INTS4: variants seen among roughly 807,000 people sequenced by gnomAD.
The protein encoded by INTS4 is integrator complex subunit 4.
A neutral mutation model predicts 119.5 loss-of-function variants in INTS4; 70 were observed. The observed-to-expected ratio is 0.59, with a 90% CI of 0.48 to 0.71. The LOEUF (loss-of-function observed/expected upper bound fraction) is 0.71. Among genes scored for constraint, INTS4 ranks in the 30% least tolerant of loss-of-function variants. The pLI, the probability that INTS4 is intolerant of heterozygous loss-of-function variation, is 0.00. For synonymous variants in INTS4, 316 were observed against 419.6 expected (o/e 0.75, Z 3.02); for missense variants, 867 against 1,173.2 (o/e 0.74, Z 3.81).
chr11:77,902,500 G>A (rs1179581120), intron 17 of INTS4, among the ~76,000 whole-genome samples: 1 of 152,098 alleles, frequency 6.6e-6, no homozygotes, highest in Non-Finnish European at 1.5e-5. Context: ...CAGATTCTGG[G>A]TATCAGAGGA....
intron 19 of INTS4, among the ~76,000 whole-genome samples, chr11:77,893,317 C>T (rs1353950868): frequency 6.6e-6 from 1 of 152,182 alleles, no homozygotes; most frequent in Non-Finnish European, 1.5e-5. Flanking sequence ...AGTGTAAGAA[C>T]AGTGTGGGCC....
At chr11:77,958,716 C>G (rs1273886005) in intron 7 of INTS4, 30 bp downstream of exon 7, 1 of 1,392,658 alleles carries the variant, frequency 7.2e-7, no homozygotes, top group Non-Finnish European at 1.0e-6. Context: ...GCTTCACAAT[C>G]AACAAAAGCC....
chr11:77,971,361 T>C (rs1239718036), intron 4 of INTS4, among the ~76,000 whole-genome samples: 5 of 151,972 alleles, frequency 3.3e-5, no homozygotes, highest in African/African-American at 1.2e-4. Flanking sequence ...CTAAATACAA[T>C]TACCAGCTGG....
At chr11:77,950,015 C>T (rs1427955270) in intron 8 of INTS4, among the ~76,000 whole-genome samples, 1 of 152,198 alleles carries the variant, frequency 6.6e-6, no homozygotes, top group Non-Finnish European at 1.5e-5. Context: ...GGCGCATATA[C>T]ACCATGGAAT....
At chr11:77,915,612 A>G (rs1277264793) in intron 15 of INTS4, among the ~76,000 whole-genome samples, 1 of 151,944 alleles carries the variant, frequency 6.6e-6, no homozygotes, top group Admixed American at 6.6e-5. Context: ...CCACCCATTT[A>G]TCTCTCAGTT....
chr11:77,887,257 G>A lies in INTS4; in HGVS notation c.2593-3305C>T, dbSNP rs546733694. Among the ~76,000 whole-genome samples, 25 of 152,270 alleles carry A rather than the reference G, an allele frequency of 1.6e-4. No individual in the cohort carries two copies. The East Asian group carries it at 4.6e-3, about 28-fold the overall frequency. ...GTGGGCTTCATCCCTGGGATGCAAG[G>A]CTGGTTCAACATACGAAAATCAATA... On this transcript the variant is annotated intron_variant, in intron 21 of 22. Coordinates refer to ENST00000534064, the MANE Select transcript of INTS4 (RefSeq NM_033547.4).
intron 13 of INTS4, 117 bp downstream of exon 13, chr11:77,922,239 A>G (rs1565246666): frequency 7.2e-7 from 1 of 1,384,900 alleles, no homozygotes; most frequent in East Asian, 2.6e-5. Flanking sequence ...AAAAAAAAAA[A>G]AAAAAAAGAA....
rs567557030 is a variant in INTS4, at chr11:77,954,862, C to T, written c.918+1080G>A. Among the ~76,000 whole-genome samples, 3 of 152,248 alleles carry T rather than the reference C, an allele frequency of 2.0e-5. No individual in the cohort carries two copies. The East Asian group carries it at 5.8e-4, about 29-fold the overall frequency. ...TGGTCCACAGCCTGGGGGTTTGAGC[C>T]TCCTGAACTAGGACATAACAAGTGC... On this transcript the variant is annotated intron_variant, in intron 8 of 22. Coordinates refer to ENST00000534064, the MANE Select transcript of INTS4 (RefSeq NM_033547.4).
intron 15 of INTS4, among the ~76,000 whole-genome samples, chr11:77,909,494 C>T (rs1206589873): frequency 6.6e-6 from 1 of 152,174 alleles, no homozygotes; most frequent in African/African-American, 2.4e-5. Flanking sequence ...AACGAGCTCC[C>T]TTAGGCCTCT....
intron 2 of INTS4, 39 bp downstream of exon 2, chr11:77,991,069 C>T (rs755799028): frequency 4.5e-6 from 7 of 1,541,496 alleles, no homozygotes; most frequent in Admixed American, 3.4e-5. Context: ...GATACAACTC[C>T]CATGATATAC....
At chr11:77,968,639 A>T (rs899750336) in intron 4 of INTS4, among the ~76,000 whole-genome samples, 8 of 152,224 alleles carry the variant, frequency 5.3e-5, no homozygotes, top group African/African-American at 1.9e-4. Context: ...AATGGTTGAC[A>T]TGGTAAATTT....
chr11:77,953,296 C>T (rs1954239401), intron 8 of INTS4, among the ~76,000 whole-genome samples: 1 of 152,096 alleles, frequency 6.6e-6, no homozygotes, highest in Non-Finnish European at 1.5e-5. Context: ...TGCTGTGACA[C>T]GTATACAAAT....
At chr11:77,902,820 G>A (rs1447110839) in intron 17 of INTS4, among the ~76,000 whole-genome samples, 1 of 152,174 alleles carries the variant, frequency 6.6e-6, no homozygotes, top group African/African-American at 2.4e-5. Flanking sequence ...AAATAAACTA[G>A]AGACAAATAA....
chr11:77,915,608 A>G (rs1195283851), intron 15 of INTS4, among the ~76,000 whole-genome samples: 1 of 151,944 alleles, frequency 6.6e-6, no homozygotes, highest in African/African-American at 2.4e-5. Context: ...CAGACCACCC[A>G]TTTATCTCTC....
intron 13 of INTS4, among the ~76,000 whole-genome samples, chr11:77,921,897 G>T (rs892639864): frequency 1.3e-5 from 2 of 152,070 alleles, no homozygotes; most frequent in African/African-American, 4.8e-5. Flanking sequence ...CGGGAGTGGT[G>T]GCAGGCACCT....
intron 22 of INTS4, among the ~76,000 whole-genome samples, chr11:77,880,598 T>A (rs1278609301): frequency 6.6e-6 from 1 of 152,034 alleles, no homozygotes; most frequent in Non-Finnish European, 1.5e-5. Context: ...CCTGCCACAC[T>A]CTCCCATTCC....
intron 21 of INTS4, 82 bp from the exon 22 acceptor site, chr11:77,884,034 C>A: frequency 7.0e-7 from 1 of 1,419,540 alleles, no homozygotes; most frequent in East Asian, 2.4e-5. Flanking sequence ...TTGTGAACCT[C>A]AAAACACAAG....
chr11:77,891,941 T>C, intron 19 of INTS4, 101 bp from the exon 20 acceptor site: 3 of 1,569,026 alleles, frequency 1.9e-6, no homozygotes, highest in South Asian at 1.2e-5. Context: ...GGAAGAATGA[T>C]GAAGTGAGAG....
chr11:77,961,628 T>G (rs986555315), intron 4 of INTS4, among the ~76,000 whole-genome samples: 4 of 152,124 alleles, frequency 2.6e-5, no homozygotes, highest in Non-Finnish European at 5.9e-5. Context: ...CCCTCATTCC[T>G]CCTCCCAGCA....
Sources: allele counts gnomAD v4.1 joint callset (sites outside exome capture counted in the v4.1 genomes callset), GRCh38; gene constraint gnomAD v4.1.1; transcripts MANE v1.5; gene names NCBI Gene and HGNC (gene_info 2026-07-23, HGNC 2026-07-21).